ABTB3: variants seen among roughly 807,000 people sequenced by gnomAD.
The protein encoded by ABTB3 is ankyrin repeat and BTB domain containing 3.
chr12:107,379,470 C>T, the ABTB3 span, among the ~76,000 whole-genome samples: 7 of 152,236 alleles, frequency 4.6e-5, no homozygotes, highest in East Asian at 1.9e-4. Context: ...TCTTGCCTGC[C>T]GCCGTGTAAG....
chr12:107,353,257 T>TGG, the ABTB3 span, among the ~76,000 whole-genome samples: 2 of 151,854 alleles, frequency 1.3e-5, no homozygotes, highest in Admixed American at 6.6e-5. Context: ...CCCAGCATGG[T>TGG]GGGGGGGAGA....
At chr12:107,419,740 A>G in the ABTB3 span, among the ~76,000 whole-genome samples, 3 of 152,300 alleles carry the variant, frequency 2.0e-5, no homozygotes, top group Admixed American at 6.5e-5. Flanking sequence ...GAAGTACTCA[A>G]TGAATGTTAG....
the ABTB3 span, among the ~76,000 whole-genome samples, chr12:107,544,515 T>C: frequency 2.0e-5 from 3 of 152,178 alleles, no homozygotes; most frequent in African/African-American, 7.2e-5. Flanking sequence ...GGGCCCGGGA[T>C]AACCAGAAGC....
At chr12:107,501,611 A>G in the ABTB3 span, among the ~76,000 whole-genome samples, 1 of 152,084 alleles carries the variant, frequency 6.6e-6, no homozygotes, top group Non-Finnish European at 1.5e-5. Context: ...GAAGTGGGAG[A>G]ATCACTTGAA....
the ABTB3 span, among the ~76,000 whole-genome samples, chr12:107,335,449 C>T: frequency 4.0e-5 from 6 of 151,726 alleles, no homozygotes; most frequent in African/African-American, 1.5e-4. Context: ...AAACCATAAA[C>T]CAGGGGGATT....
At chr12:107,512,281 G>C in the ABTB3 span, among the ~76,000 whole-genome samples, 2 of 152,158 alleles carry the variant, frequency 1.3e-5, no homozygotes, top group African/African-American at 4.8e-5. Flanking sequence ...TTGTATCATA[G>C]ACAACAAAAG....
the ABTB3 span, among the ~76,000 whole-genome samples, chr12:107,329,381 C>T: frequency 2.6e-5 from 4 of 152,190 alleles, no homozygotes; most frequent in Admixed American, 6.5e-5. Flanking sequence ...AGCGCTCCCT[C>T]ATAAAGAAAA....
the ABTB3 span, among the ~76,000 whole-genome samples, chr12:107,470,153 C>T: frequency 1.3e-5 from 2 of 151,572 alleles, no homozygotes; most frequent in Non-Finnish European, 2.9e-5. Context: ...ATTCTCATGC[C>T]TCAGCCTCCC....
chr12:107,548,669 A>T, the ABTB3 span, among the ~76,000 whole-genome samples: 3 of 152,224 alleles, frequency 2.0e-5, no homozygotes, highest in African/African-American at 7.2e-5. Flanking sequence ...AACTCAGACA[A>T]ATTTTATAAT....
chr12:107,617,142 G>A, the ABTB3 span: 10 of 1,614,066 alleles, frequency 6.2e-6, no homozygotes, highest in African/African-American at 1.3e-4. Context: ...ATGGCGAGGA[G>A]AACTACTCGG....
At chr12:107,334,326 G>A in the ABTB3 span, among the ~76,000 whole-genome samples, 2 of 152,190 alleles carry the variant, frequency 1.3e-5, no homozygotes, top group South Asian at 2.1e-4. Context: ...AGCAGTGGAG[G>A]TGGGCTAGGA....
the ABTB3 span, among the ~76,000 whole-genome samples, chr12:107,594,910 G>A: frequency 1.3e-5 from 2 of 152,080 alleles, no homozygotes; most frequent in Admixed American, 6.6e-5. Context: ...TTTGGGGCTG[G>A]ATAATTCATT....
the ABTB3 span, among the ~76,000 whole-genome samples, chr12:107,353,349 C>G: frequency 6.6e-6 from 1 of 152,122 alleles, no homozygotes; most frequent in Non-Finnish European, 1.5e-5. Context: ...CAATCAAAGA[C>G]TGAGAGATGC....
the ABTB3 span, among the ~76,000 whole-genome samples, chr12:107,523,313 T>C: frequency 2.8e-3 from 428 of 152,276 alleles, 4 homozygotes; most frequent in African/African-American, 9.4e-3. Context: ...TGCGCTTCCA[T>C]TCCCTTCAAA....
At chr12:107,363,164 G>A in the ABTB3 span, among the ~76,000 whole-genome samples, 3 of 152,182 alleles carry the variant, frequency 2.0e-5, no homozygotes, top group African/African-American at 7.2e-5. Flanking sequence ...TCACTGCGTT[G>A]GGGCAGGCCT....
the ABTB3 span, among the ~76,000 whole-genome samples, chr12:107,513,877 T>A: frequency 6.6e-6 from 1 of 152,184 alleles, no homozygotes. Context: ...GCAGCTTTCA[T>A]ATTTTTTGTT....
At chr12:107,615,369 A>C in the ABTB3 span, among the ~76,000 whole-genome samples, 2 of 152,336 alleles carry the variant, frequency 1.3e-5, no homozygotes, top group African/African-American at 4.8e-5. Flanking sequence ...ATGATCACAT[A>C]TCCACACACA....
the ABTB3 span, chr12:107,635,169 T>A: frequency 1.2e-6 from 1 of 827,060 alleles, no homozygotes. Flanking sequence ...ATTTCTCCTG[T>A]GGCCTGCAGT....
the ABTB3 span, among the ~76,000 whole-genome samples, chr12:107,488,149 A>C: frequency 6.6e-6 from 1 of 152,192 alleles, no homozygotes; most frequent in East Asian, 1.9e-4. Context: ...CGAGCAGTCA[A>C]GAGTCTGGGT....
Sources: gnomAD v4.1 joint callset for allele counts (sites outside exome capture counted in the v4.1 genomes callset) on GRCh38, gnomAD v4.1.1 for gene constraint, MANE v1.5 for transcripts, NCBI Gene and HGNC (gene_info 2026-07-23, HGNC 2026-07-21) for gene names.